RBM27: variants seen among roughly 807,000 people sequenced by gnomAD.
RBM27 encodes the protein RNA binding motif protein 27.
A neutral mutation model predicts 135.3 loss-of-function variants in RBM27; 22 were observed. That is an observed-to-expected ratio of 0.16 (90% CI 0.12 to 0.23). The LOEUF (loss-of-function observed/expected upper bound fraction) is 0.23. Ranked by LOEUF, RBM27 falls within the 10% of genes least tolerant of loss-of-function variation. RBM27 has a pLI of 1.00. For missense variants in RBM27, 1,009 were observed against 1,281.0 expected (o/e 0.79, Z 3.24); for synonymous variants, 481 against 442.4 (o/e 1.09, Z -1.10).
chr5:146,228,282 C>T (rs56172877), intron 3 of RBM27, among the ~76,000 whole-genome samples: 39,906 of 114,862 alleles, frequency 0.35, 7,211 homozygotes, highest in Admixed American at 0.42. Context: ...ACCATTCTTT[C>T]TTTTTTTTTT....
chr5:146,260,981 A>T, intron 12 of RBM27, 83 bp downstream of exon 12: 1 of 1,341,542 alleles, frequency 7.5e-7, no homozygotes, highest in Non-Finnish European at 1.0e-6. Context: ...TGTTTAAATG[A>T]GTCAGTGGTT....
At chr5:146,268,217 A>G (rs1286281149) in intron 15 of RBM27, among the ~76,000 whole-genome samples, 1 of 151,746 alleles carries the variant, frequency 6.6e-6, no homozygotes, top group East Asian at 1.9e-4. Flanking sequence ...GGTGAAATCC[A>G]TAGATTTTAC....
intron 19 of RBM27, among the ~76,000 whole-genome samples, chr5:146,278,726 A>ATT (rs576045126): frequency 1.2e-4 from 17 of 142,570 alleles, no homozygotes; most frequent in Admixed American, 2.1e-4. Context: ...TTTTTTCCCA[A>ATT]TTTTTTTTTT....
chr5:146,226,084 T>G (rs1246182509), intron 3 of RBM27, among the ~76,000 whole-genome samples: 2 of 150,434 alleles, frequency 1.3e-5, no homozygotes, highest in African/African-American at 2.4e-5. Flanking sequence ...GCCAGGCTGG[T>G]CTTAAACTCC....
rs1188604672 is a variant in RBM27 at position 146,213,276 on chromosome 5, A to G, written c.60-5709A>G. ...CACCACCATGCCCAGCTAATTTTGT[A>G]TTTTTAGTAGAGATGGGGTTTCTCC... On this transcript the variant is annotated intron_variant, in intron 1 of 20. Transcript: ENST00000265271. Among the ~76,000 whole-genome samples the G allele has an allele frequency of 6.6e-5, 10 of 152,000 alleles. No individual in the cohort carries two copies. The South Asian group carries it at 1.9e-3, about 28-fold the overall frequency.
intron 1 of RBM27, among the ~76,000 whole-genome samples, chr5:146,207,442 C>G (rs990208204): frequency 1.3e-5 from 2 of 151,772 alleles, no homozygotes; most frequent in Non-Finnish European, 2.9e-5. Flanking sequence ...TCTTGAACTC[C>G]TGACCTTGTG....
chr5:146,219,355 C>T (rs1437273878), intron 2 of RBM27, among the ~76,000 whole-genome samples: 2 of 152,152 alleles, frequency 1.3e-5, no homozygotes, highest in Admixed American at 6.6e-5. Flanking sequence ...AGGTCTTTTG[C>T]AGCTTTTGAC....
chr5:146,260,159 C>T (rs1458135196), intron 11 of RBM27, among the ~76,000 whole-genome samples: 6 of 151,670 alleles, frequency 4.0e-5, no homozygotes, highest in East Asian at 3.9e-4. Context: ...ATTAGTCGTG[C>T]GTGTTGGCAT....
chr5:146,287,512 C>T lies in RBM27; in HGVS notation c.*1482C>T, dbSNP rs1759632230. 6.6e-6 allele frequency: 1 copy of T among 152,064 alleles called. No homozygotes were observed. The highest frequency in any genetic ancestry group is 6.5e-5 in the Admixed American group (1 of 15,268). 9.4% of individuals were successfully genotyped at this position (152,064 alleles called of 1,614,324 possible). Reference sequence around the variant, plus strand: ...GTGTGGTATGAAAATTTGAAACCTCCTGTTGTCTCCAAAAGGGTCTTGGTG... The same window carrying T: ...GTGTGGTATGAAAATTTGAAACCTCTTGTTGTCTCCAAAAGGGTCTTGGTG... On this transcript the variant is annotated 3_prime_UTR_variant, in exon 21 of 21. Transcript: ENST00000265271.
At chr5:146,243,405 A>G (rs1757492009) in intron 8 of RBM27, among the ~76,000 whole-genome samples, 1 of 152,210 alleles carries the variant, frequency 6.6e-6, no homozygotes. Context: ...AAATGCTCCA[A>G]AATTAGAAAC....
chr5:146,217,516 C>T (rs1756265603), intron 1 of RBM27, among the ~76,000 whole-genome samples: 2 of 123,942 alleles, frequency 1.6e-5, no homozygotes, highest in African/African-American at 3.2e-5. Flanking sequence ...ACTCTGTTGC[C>T]TAGGCTGGAC....
intron 1 of RBM27, among the ~76,000 whole-genome samples, chr5:146,213,096 AT>A (rs200901286): frequency 5.3e-5 from 8 of 150,598 alleles, no homozygotes; most frequent in African/African-American, 2.0e-4. Context: ...GAGAATATGG[AT>A]TTTTTTTGTT....
intron 15 of RBM27, 74 bp from the exon 16 acceptor site, chr5:146,269,133 A>G: frequency 9.8e-7 from 1 of 1,016,078 alleles, no homozygotes; most frequent in Non-Finnish European, 1.5e-6. Context: ...TGTCTCAGGG[A>G]TGACCCAGAA....
chr5:146,203,939 C>T, intron 1 of RBM27, 115 bp downstream of exon 1: 4 of 1,016,038 alleles, frequency 3.9e-6, no homozygotes, highest in Non-Finnish European at 4.2e-6. Flanking sequence ...GCCGGGAGGT[C>T]CCGGCGACGC....
In RBM27 at chr5:146,256,124, G is replaced by T. The variant is rs2126833512; in HGVS notation, c.1594+1032G>T. Among the ~76,000 whole-genome samples the T allele has an allele frequency of 2.6e-5, 4 of 150,964 alleles. 1 individual carries two copies. The Middle Eastern group carries it at 0.014, about 517-fold the overall frequency. ...ACCTACCTTGGCCTCTCAAAGTGCT[G>T]GTATTACAGGTGTGAGCCACCATGC... On this transcript the variant is annotated intron_variant, in intron 10 of 20. Transcript: ENST00000265271.
At chr5:146,222,635 G>A (rs1316447561) in intron 2 of RBM27, among the ~76,000 whole-genome samples, 1 of 152,218 alleles carries the variant, frequency 6.6e-6, no homozygotes, top group Non-Finnish European at 1.5e-5. Flanking sequence ...TGTGAGCTGA[G>A]ATCGCACCAC....
intron 1 of RBM27, among the ~76,000 whole-genome samples, chr5:146,204,888 A>G (rs1198558578): frequency 2.0e-5 from 3 of 152,108 alleles, no homozygotes; most frequent in South Asian, 4.1e-4. Context: ...AGATGTATCA[A>G]CATTTTGTTT....
chr5:146,269,691 G>A, intron 17 of RBM27, 107 bp downstream of exon 17: 2 of 576,216 alleles, frequency 3.5e-6, no homozygotes, highest in Non-Finnish European at 5.3e-6. Context: ...TCCTAACAGG[G>A]ATATAGGCAA....
intron 1 of RBM27, among the ~76,000 whole-genome samples, chr5:146,204,699 T>A (rs961169198): frequency 2.0e-5 from 3 of 152,122 alleles, no homozygotes; most frequent in South Asian, 4.1e-4. Context: ...ATAAGAGATT[T>A]GTAAGTATTC....
Sources: allele counts gnomAD v4.1 joint callset (sites outside exome capture counted in the v4.1 genomes callset), GRCh38; gene constraint gnomAD v4.1.1; transcripts MANE v1.5; gene names NCBI Gene and HGNC (gene_info 2026-07-23, HGNC 2026-07-21).